VAMP7: variants seen among roughly 807,000 people sequenced by gnomAD.
VAMP7 encodes the protein vesicle associated membrane protein 7, also known as vesicle-associated membrane protein 7.
Under a neutral mutation model 29.6 loss-of-function variants are expected in VAMP7, and 14 were observed. The observed-to-expected ratio is 0.47, with a 90% confidence interval of 0.31 to 0.74. The LOEUF is 0.74. Among genes scored for constraint, VAMP7 ranks in the 30% least tolerant of loss-of-function variants. VAMP7 has a pLI of 0.05. For synonymous variants in VAMP7, 95 were observed against 88.1 expected (o/e 1.08, Z -0.44); for missense variants, 223 against 262.4 (o/e 0.85, Z 1.04).
At position 155,936,249 on chromosome X, in the gene VAMP7, T is replaced by A. The variant is rs145448349; in HGVS notation, c.502-3452T>A. 6.6e-3 allele frequency among the ~76,000 whole-genome samples: 1,002 copies of A among 152,290 alleles called. 4 individuals carry two copies. The highest frequency in any genetic ancestry group is 0.014 in the Middle Eastern group (4 of 294). On this transcript the variant is annotated intron_variant, in intron 6 of 7. Transcript: ENST00000286448. ...GCTGTCAGACAGGGACATTTAAGTT[T>A]GCAGAGGTTTCTGCTGCCTTTTGTT...
Position 155,919,795 on chromosome X carries a change from C to T in VAMP7, c.434-18C>T. ...ACAATGGAAAACTTGACCTTTTCTACTTTTCCAATATTTTCAGATCTGGTA... is the reference window on the plus strand; with the variant it reads ...ACAATGGAAAACTTGACCTTTTCTATTTTTCCAATATTTTCAGATCTGGTA... On this transcript the variant is annotated intron_variant, in intron 5 of 7. Transcript: ENST00000286448. The T allele has an allele frequency of 6.2e-7, 1 of 1,604,814 alleles. No individual in the cohort carries two copies. Among genetic ancestry groups the T allele is most frequent in the Non-Finnish European group, 8.5e-7 (1 of 1,175,106 alleles).
intron 6 of VAMP7, among the ~76,000 whole-genome samples, chrX:155,922,237 C>T (rs1377927695): frequency 6.6e-6 from 1 of 151,876 alleles, no homozygotes; most frequent in African/African-American, 2.4e-5. Context: ...TTCCCTTATT[C>T]TGGCTAGAAC....
At chrX:155,901,580 T>A (rs959200847) in intron 5 of VAMP7, among the ~76,000 whole-genome samples, 1 of 152,156 alleles carries the variant, frequency 6.6e-6, no homozygotes, top group Non-Finnish European at 1.5e-5. Context: ...AGTTTCAGCT[T>A]TCTACATATG....
In VAMP7 at chrX:155,928,979, C is replaced by T. The variant is rs1039953036; in HGVS notation, c.501+9099C>T. 5.9e-5 allele frequency among the ~76,000 whole-genome samples: 9 copies of T among 152,198 alleles called. 1 individual carries two copies. Among genetic ancestry groups the T allele is most frequent in the African/African-American group, 1.7e-4 (7 of 41,458 alleles). Reference sequence around the variant, plus strand: ...AGTCTTTGTTTGTAGTATATCCTCACACATTTTCTTCATATGAGTTTGTGG... The same window carrying T: ...AGTCTTTGTTTGTAGTATATCCTCATACATTTTCTTCATATGAGTTTGTGG... On this transcript the variant is annotated intron_variant, in intron 6 of 7. Transcript: ENST00000286448.
intron 2 of VAMP7, among the ~76,000 whole-genome samples, chrX:155,894,301 GTTTTTTTTTT>G (rs1195549080): frequency 1.5e-5 from 1 of 64,888 alleles, no homozygotes. Context: ...TGTGTCCTTT[GTTTTTTTTTT>G]TTTTTTTTTT....
At chrX:155,932,357 A>AT (rs1226657201) in intron 6 of VAMP7, among the ~76,000 whole-genome samples, 1 of 152,170 alleles carries the variant, frequency 6.6e-6, no homozygotes, top group Non-Finnish European at 1.5e-5. Context: ...ATGTTCTTCC[A>AT]TTTGTTTGTG....
chrX:155,936,586 G>T (rs766555980), intron 6 of VAMP7, among the ~76,000 whole-genome samples: 23 of 152,296 alleles, frequency 1.5e-4, no homozygotes, highest in African/African-American at 4.8e-4. Flanking sequence ...GATTTTCCAG[G>T]TGCCATCTGT....
At chrX:155,885,374 G>A (rs772494395) in intron 1 of VAMP7, among the ~76,000 whole-genome samples, 2 of 152,238 alleles carry the variant, frequency 1.3e-5, no homozygotes, top group African/African-American at 4.8e-5. Context: ...GGAAAGGGAA[G>A]GGTAGGATTT....
In VAMP7 at chrX:155,942,356, C is replaced by G. The variant is rs181348609; in HGVS notation, c.*405C>G. The stretch of plus-strand genomic sequence containing the variant: ...AGAGACAGTATTGCTAACATCTCAT[C>G]TTAATGTCTTTTGTTATTGAGAAGT... On this transcript the variant is annotated 3_prime_UTR_variant, in exon 8 of 8. Transcript: ENST00000286448. 355 of 575,434 alleles carry G rather than the reference C, an allele frequency of 6.2e-4. No individual in the cohort carries two copies. The highest frequency in any genetic ancestry group is 9.3e-4 in the Non-Finnish European group (314 of 336,696). 35.6% of individuals were successfully genotyped at this position (575,434 alleles called of 1,614,324 possible).
chrX:155,916,771 C>G (rs1166066695), intron 5 of VAMP7, among the ~76,000 whole-genome samples: 1 of 152,142 alleles, frequency 6.6e-6, no homozygotes, highest in Non-Finnish European at 1.5e-5. Context: ...TGACCTTTCT[C>G]TCTGGCTGCC....
rs202049046 is a variant in VAMP7, at chrX:155,889,427, T to G, written c.-9-31T>G. On this transcript the variant is annotated intron_variant, in intron 1 of 7. Transcript: ENST00000286448. Reference sequence around the variant, plus strand: ...TTTGAAAGATTATGTCAAAGAAATATTCTAAATCTGTGTCTTTTTCCTTTT... The same window carrying G: ...TTTGAAAGATTATGTCAAAGAAATAGTCTAAATCTGTGTCTTTTTCCTTTT... 13 of 1,605,656 alleles carry G rather than the reference T, an allele frequency of 8.1e-6. No homozygotes were observed. The South Asian group carries it at 1.2e-4, about 15-fold the overall frequency.
chrX:155,902,002 G>A (rs2066069588), intron 5 of VAMP7, among the ~76,000 whole-genome samples: 4 of 152,060 alleles, frequency 2.6e-5, no homozygotes, highest in Admixed American at 2.6e-4. Flanking sequence ...TCCTACCCAT[G>A]AACATGGAAT....
At chrX:155,897,335 A>G (rs2066000721) in intron 3 of VAMP7, among the ~76,000 whole-genome samples, 1 of 152,138 alleles carries the variant, frequency 6.6e-6, no homozygotes, top group Non-Finnish European at 1.5e-5. Flanking sequence ...CTTGGGTGAA[A>G]GGGAAATGAC....
chrX:155,897,707 A>G (rs1032814957), intron 3 of VAMP7, among the ~76,000 whole-genome samples: 22 of 152,126 alleles, frequency 1.4e-4, no homozygotes, highest in African/African-American at 5.3e-4. Flanking sequence ...TAATATCAGT[A>G]GTAGTATCTG....
At chrX:155,919,023 T>G (rs2124346238) in intron 5 of VAMP7, among the ~76,000 whole-genome samples, 1 of 152,262 alleles carries the variant, frequency 6.6e-6, no homozygotes, top group South Asian at 2.1e-4. Context: ...ATCATCAGGG[T>G]TGTTGGCCTG....
chrX:155,923,823 A>G (rs1329400092), intron 6 of VAMP7, among the ~76,000 whole-genome samples: 1 of 151,896 alleles, frequency 6.6e-6, no homozygotes, highest in Non-Finnish European at 1.5e-5. Flanking sequence ...TTTTTCCACT[A>G]TGTTTCATTT....
At chrX:155,932,236 T>C (rs1007160804) in intron 6 of VAMP7, among the ~76,000 whole-genome samples, 2 of 152,188 alleles carry the variant, frequency 1.3e-5, no homozygotes, top group African/African-American at 4.8e-5. Flanking sequence ...TTTTTCCAAT[T>C]CAGTGAAGAA....
chrX:155,922,824 C>T (rs746378632), intron 6 of VAMP7, among the ~76,000 whole-genome samples: 3 of 152,054 alleles, frequency 2.0e-5, no homozygotes, highest in South Asian at 2.1e-4. Context: ...GAGTTTTCTT[C>T]GTTGGAAAAT....
intron 7 of VAMP7, among the ~76,000 whole-genome samples, chrX:155,940,141 T>C (rs2066722753): frequency 6.6e-6 from 1 of 152,184 alleles, no homozygotes; most frequent in South Asian, 2.1e-4. Context: ...TAATTTCTAA[T>C]ATGGCAAATG....
Sources: allele counts gnomAD v4.1 joint callset (sites outside exome capture counted in the v4.1 genomes callset), GRCh38; gene constraint gnomAD v4.1.1; transcripts MANE v1.5; gene names NCBI Gene and HGNC (gene_info 2026-07-23, HGNC 2026-07-21).